BMPR2: variants seen among roughly 807,000 people sequenced by gnomAD.
BMPR2 encodes the protein bone morphogenetic protein receptor type 2, also known as bone morphogenetic protein receptor type-2.
BMPR2 carries 29 observed loss-of-function variants against 100.8 expected under a neutral mutation model. That is an observed-to-expected ratio of 0.29 (90% CI 0.21 to 0.39). The LOEUF (loss-of-function observed/expected upper bound fraction) is 0.39, where lower values mean the gene tolerates loss of function less well. Ranked by LOEUF, BMPR2 falls within the 10% of genes least tolerant of loss-of-function variation. BMPR2 has a pLI of 1.00. For synonymous variants in BMPR2, 382 were observed against 442.3 expected, an observed-to-expected ratio of 0.86 and a Z score of 1.71; for missense variants, 1,011 against 1,274.5, an observed-to-expected ratio of 0.79 and a Z score of 3.15.
At chr2:202,388,729 A>C (rs1383021513) in intron 1 of BMPR2, among the ~76,000 whole-genome samples, 2 of 151,338 alleles carry the variant, frequency 1.3e-5, no homozygotes, top group Non-Finnish European at 1.5e-5. Context: ...TGGAGGTTGC[A>C]GTGAGCCGAG....
intron 12 of BMPR2, among the ~76,000 whole-genome samples, chr2:202,557,015 T>C (rs1282098574): frequency 6.7e-6 from 1 of 150,164 alleles, no homozygotes; most frequent in Non-Finnish European, 1.5e-5. Flanking sequence ...AAAGTGAAAC[T>C]CCATCTCAAT....
chr2:202,527,643 C>G (rs1389806366), intron 7 of BMPR2, among the ~76,000 whole-genome samples: 2 of 141,006 alleles, frequency 1.4e-5, no homozygotes, highest in Admixed American at 7.1e-5. Context: ...AAAAATTAGC[C>G]GGGCGCGGTG....
rs575479720 is a variant in BMPR2 at position 202,556,466 on chromosome 2, G to T, written c.2801G>T (p.Arg934Ile). The T allele has an allele frequency of 1.2e-6, 2 of 1,614,212 alleles. No homozygotes were observed. The highest frequency in any genetic ancestry group is 1.1e-5 in the South Asian group (1 of 91,078). Residue 934 changes from arginine to isoleucine, a missense_variant, in exon 12 of 13, where the codon AGA (arginine) becomes ATA (isoleucine). Around this residue, in one of 6 missense-constraint regions of BMPR2, gnomAD observed 508 missense variants for 552.0 expected, o/e 0.92. Coordinates refer to ENST00000374580, the MANE Select transcript of BMPR2 (RefSeq NM_001204.7). Reference protein sequence around the residue: ...AADPGPSKPRRAQRPNSLDLS... With the variant: ...AADPGPSKPRIAQRPNSLDLS... ...GATCCTGGGCCATCAAAGCCCAGAA[G>T]AGCACAGAGGCCTAATTCTCTGGAT...
chr2:202,411,862 A>C (rs973203427), intron 1 of BMPR2, among the ~76,000 whole-genome samples: 4 of 152,198 alleles, frequency 2.6e-5, no homozygotes, highest in Non-Finnish European at 5.9e-5. Context: ...TAAACAAGAA[A>C]GAACTGAGGG....
At position 202,447,596 on chromosome 2, in the gene BMPR2, C is replaced by T. The variant is rs1691878435; in HGVS notation, c.77-17213C>T. 1.3e-5 allele frequency among the ~76,000 whole-genome samples: 2 copies of T among 150,498 alleles called. 1 individual carries two copies. The highest frequency in any genetic ancestry group is 5.0e-5 in the African/African-American group (2 of 39,828). On this transcript the variant is annotated intron_variant, in intron 1 of 12. Coordinates refer to ENST00000374580, the MANE Select transcript of BMPR2 (RefSeq NM_001204.7). Reference sequence around the variant, plus strand: ...TCGGGAGGCTGAGCTGGGAGGATCCCTTGAGCCCATGAGTTTGAAGCTGCA... The same window carrying T: ...TCGGGAGGCTGAGCTGGGAGGATCCTTTGAGCCCATGAGTTTGAAGCTGCA...
chr2:202,428,007 A>G (rs1691426693), intron 1 of BMPR2, among the ~76,000 whole-genome samples: 1 of 152,024 alleles, frequency 6.6e-6, no homozygotes, highest in Non-Finnish European at 1.5e-5. Context: ...AACAAATAAA[A>G]TAAATAATAC....
intron 3 of BMPR2, among the ~76,000 whole-genome samples, chr2:202,505,979 G>C (rs780851364): frequency 4.6e-5 from 7 of 152,142 alleles, no homozygotes; most frequent in Admixed American, 4.6e-4. Context: ...AGGTGTCTTA[G>C]TCAAAGTAGT....
At chr2:202,504,400 G>A (rs111752083) in intron 3 of BMPR2, among the ~76,000 whole-genome samples, 1,592 of 151,654 alleles carry the variant, frequency 0.01, 33 homozygotes, top group African/African-American at 0.037. Flanking sequence ...CAGACACGCC[G>A]CCTCAAGAGC....
intron 3 of BMPR2, among the ~76,000 whole-genome samples, chr2:202,513,462 G>C (rs993622853): frequency 6.6e-6 from 1 of 152,106 alleles, no homozygotes; most frequent in Non-Finnish European, 1.5e-5. Flanking sequence ...TCATGGTATT[G>C]TTGATGTTTT....
intron 3 of BMPR2, among the ~76,000 whole-genome samples, chr2:202,508,070 CTATTATTAT>C (rs4032712): frequency 0.013 from 1,871 of 139,760 alleles, 23 homozygotes; most frequent in African/African-American, 0.039. Context: ...TCATTTGAGG[CTATTATTAT>C]TATTATTATT....
intron 9 of BMPR2, among the ~76,000 whole-genome samples, chr2:202,540,215 A>G (rs2106028996): frequency 6.6e-6 from 1 of 152,268 alleles, no homozygotes; most frequent in South Asian, 2.1e-4. Context: ...ATTTTTAGTT[A>G]TTCTACTAAA....
At chr2:202,384,810 CT>C (rs1241118444) in intron 1 of BMPR2, among the ~76,000 whole-genome samples, 1 of 151,936 alleles carries the variant, frequency 6.6e-6, no homozygotes, top group East Asian at 1.9e-4. Context: ...TCAGGCTGGT[CT>C]CGAACTCCCG....
chr2:202,489,402 G>A (rs953760293), intron 3 of BMPR2, among the ~76,000 whole-genome samples: 9 of 152,094 alleles, frequency 5.9e-5, no homozygotes, highest in African/African-American at 1.9e-4. Flanking sequence ...CGAAAAGCAA[G>A]GAATAAGACA....
intron 7 of BMPR2, among the ~76,000 whole-genome samples, chr2:202,521,754 G>C (rs2106009878): frequency 6.6e-6 from 1 of 152,266 alleles, no homozygotes; most frequent in East Asian, 1.9e-4. Context: ...TGTAGGCTAG[G>C]AAGATATGCA....
intron 5 of BMPR2, among the ~76,000 whole-genome samples, chr2:202,516,967 A>G (rs1300669619): frequency 6.6e-6 from 1 of 152,210 alleles, no homozygotes; most frequent in African/African-American, 2.4e-5. Context: ...AGAAGCCAAA[A>G]ATAACGAGAA....
chr2:202,465,949 C>T (rs758717832), intron 2 of BMPR2, among the ~76,000 whole-genome samples: 2 of 152,178 alleles, frequency 1.3e-5, no homozygotes, highest in Non-Finnish European at 2.9e-5. Context: ...TAAAGAATCT[C>T]TGAAAACCTT....
At chr2:202,526,971 C>A (rs1687925608) in intron 7 of BMPR2, among the ~76,000 whole-genome samples, 1 of 152,080 alleles carries the variant, frequency 6.6e-6, no homozygotes, top group Non-Finnish European at 1.5e-5. Flanking sequence ...TCAAGCGATT[C>A]TCCTGCCTCA....
intron 12 of BMPR2, 53 bp from the exon 13 acceptor site, chr2:202,559,643 C>T (rs571792672): frequency 3.5e-5 from 55 of 1,589,156 alleles, no homozygotes; most frequent in South Asian, 3.2e-4. Context: ...ATCCCTTACC[C>T]GTTATTTCTT....
In BMPR2 at chr2:202,395,478, C is replaced by T. The variant is rs188954178; in HGVS notation, c.76+17928C>T. Among the ~76,000 whole-genome samples the T allele has an allele frequency of 7.6e-4, 115 of 152,276 alleles. 1 individual carries two copies. The highest frequency in any genetic ancestry group is 6.2e-3 in the Admixed American group (95 of 15,288). The stretch of plus-strand genomic sequence containing the variant: ...AGAAGTGTGAATCTTGGTCCCAGAA[C>T]TGAAGCTATTATAGGATAAGAACAT... On this transcript the variant is annotated intron_variant, in intron 1 of 12. Coordinates refer to ENST00000374580, the MANE Select transcript of BMPR2 (RefSeq NM_001204.7).
Sources: allele counts gnomAD v4.1 joint callset (sites outside exome capture counted in the v4.1 genomes callset), GRCh38; gene constraint gnomAD v4.1.1; regional missense constraint gnomAD v4.1.1; transcripts MANE v1.5; gene names NCBI Gene and HGNC (gene_info 2026-07-23, HGNC 2026-07-21).